The following TPO variants were observed in gnomAD, a reference collection of about 807,000 sequenced individuals.
The protein encoded by TPO is thyroid microsomal antigen.
A neutral mutation model predicts 96.9 loss-of-function variants in TPO; 78 were observed. The ratio of observed to expected loss-of-function variants is 0.81; its 90% CI spans 0.67 to 0.97. TPO has a LOEUF of 0.97. Ranked by LOEUF, TPO falls within the 50% of genes least tolerant of loss-of-function variation. TPO has a pLI of 0.00. For synonymous variants in TPO, 547 were observed against 538.0 expected (o/e 1.02, Z -0.23); for missense variants, 1,252 against 1,274.8 (o/e 0.98, Z 0.27).
chr2:1,429,089 A>G (rs938152578), intron 3 of TPO, among the ~76,000 whole-genome samples: 4 of 152,226 alleles, frequency 2.6e-5, no homozygotes, highest in African/African-American at 9.6e-5. Context: ...TTGTATGTAC[A>G]TGAAGTTATT....
chr2:1,539,478 G>A (rs961812604), intron 15 of TPO, among the ~76,000 whole-genome samples: 1 of 152,130 alleles, frequency 6.6e-6, no homozygotes, highest in African/African-American at 2.4e-5. Flanking sequence ...ACCAAGGACC[G>A]TTGGGCCTGT....
intron 14 of TPO, among the ~76,000 whole-genome samples, chr2:1,515,939 A>G (rs773132371): frequency 7.2e-5 from 11 of 152,168 alleles, no homozygotes; most frequent in Admixed American, 3.3e-4. Context: ...TTCTTATTTA[A>G]AAGTCAGTTT....
chr2:1,505,288 A>G (rs1482451938), intron 14 of TPO, among the ~76,000 whole-genome samples: 1 of 110,320 alleles, frequency 9.1e-6, no homozygotes, highest in African/African-American at 3.6e-5. Context: ...GGCGCACCCC[A>G]CTATCCTATA....
chr2:1,398,583 C>G (rs895325590), intron 1 of TPO, among the ~76,000 whole-genome samples: 2 of 152,222 alleles, frequency 1.3e-5, no homozygotes, highest in Non-Finnish European at 2.9e-5. Flanking sequence ...CTCTGCCTCC[C>G]CACAGCTCAG....
At chr2:1,515,702 G>A (rs756092930) in intron 14 of TPO, among the ~76,000 whole-genome samples, 3 of 151,980 alleles carry the variant, frequency 2.0e-5, no homozygotes, top group Non-Finnish European at 2.9e-5. Context: ...GGTGCTAAGT[G>A]GCACAGGGAA....
chr2:1,485,729 T>G (rs1671097666), intron 9 of TPO, among the ~76,000 whole-genome samples: 1 of 152,126 alleles, frequency 6.6e-6, no homozygotes, highest in Non-Finnish European at 1.5e-5. Flanking sequence ...GTTCATATCC[T>G]TCGCCCACTT....
At chr2:1,432,391 G>A (rs2148484877) in intron 3 of TPO, among the ~76,000 whole-genome samples, 1 of 152,360 alleles carries the variant, frequency 6.6e-6, no homozygotes, top group East Asian at 1.9e-4. Flanking sequence ...AGCCAGTTGT[G>A]AAACCTTGGA....
intron 15 of TPO, among the ~76,000 whole-genome samples, chr2:1,537,944 G>A (rs112880194): frequency 6.9e-5 from 5 of 72,452 alleles, no homozygotes. Flanking sequence ...GCAACCTCCC[G>A]AAATCCCCCG....
At position 1,377,063 on chromosome 2, in the gene TPO, G is replaced by A. The variant is rs140100408; in HGVS notation, n.180+2661G>A. On this transcript the variant is annotated intron_variant and non_coding_transcript_variant, in intron 1 of 5. Transcript: ENST00000497517. ...CTCCCACTGGTGAATTTACACCAGA[G>A]TCAGAGCTCGGCCACTTAAATAATA... Among the ~76,000 whole-genome samples, 1,061 of 152,316 alleles carry A rather than the reference G, an allele frequency of 7.0e-3. 12 individuals are homozygous for A. The highest frequency in any genetic ancestry group is 0.024 in the African/African-American group (1,014 of 41,562).
chr2:1,472,390 T>C (rs1405846270), intron 7 of TPO, among the ~76,000 whole-genome samples: 1 of 152,168 alleles, frequency 6.6e-6, no homozygotes, highest in East Asian at 1.9e-4. Context: ...GGTCACGGTG[T>C]GCCCTTTCCA....
At chr2:1,448,622 AT>A (rs1667040889) in intron 5 of TPO, among the ~76,000 whole-genome samples, 1 of 152,204 alleles carries the variant, frequency 6.6e-6, no homozygotes, top group African/African-American at 2.4e-5. Flanking sequence ...GCTCCTGGCC[AT>A]GGCATTGACC....
chr2:1,542,698 G>A lies in TPO; in HGVS notation c.*224G>A. On this transcript the variant is annotated 3_prime_UTR_variant, in exon 17 of 17. Coordinates refer to ENST00000329066, the MANE Select transcript of TPO (RefSeq NM_001206744.2). The stretch of plus-strand genomic sequence containing the variant: ...CATTGCCTGATTTGTTCCTTCTGGG[G>A]CTTTGCCATTAAAATGTATTTACAG... The A allele has an allele frequency of 2.2e-6, 3 of 1,353,036 alleles. No individual in the cohort carries two copies. Among genetic ancestry groups the A allele is most frequent in the South Asian group, 1.4e-5 (1 of 70,546 alleles). The allele number at this position is 1,353,036 out of a possible 1,614,324, so 83.8% of individuals were successfully genotyped here.
intron 3 of TPO, among the ~76,000 whole-genome samples, chr2:1,428,027 G>A (rs13424221): frequency 0.48 from 72,433 of 152,014 alleles, 17,793 homozygotes; most frequent in Middle Eastern, 0.57. Context: ...GAATTCGTGG[G>A]AACATACATT....
intron 2 of TPO, among the ~76,000 whole-genome samples, chr2:1,415,517 G>A (rs1417967419): frequency 6.7e-5 from 10 of 148,612 alleles, no homozygotes; most frequent in African/African-American, 2.3e-4. Flanking sequence ...ACATAGTCCC[G>A]GGGCCCCTGG....
At chr2:1,481,844 C>T (rs1175084984) in intron 8 of TPO, among the ~76,000 whole-genome samples, 2 of 152,152 alleles carry the variant, frequency 1.3e-5, no homozygotes, top group African/African-American at 2.4e-5. Flanking sequence ...GGTCGTTCCT[C>T]TCCAGGGGTA....
chr2:1,409,849 A>T (rs1046411113), upstream of TPO, among the ~76,000 whole-genome samples: 1 of 151,730 alleles, frequency 6.6e-6, no homozygotes, highest in African/African-American at 2.4e-5. Flanking sequence ...GCACCAAAAG[A>T]CAAACACCTC....
intron 2 of TPO, among the ~76,000 whole-genome samples, chr2:1,419,000 T>C (rs994257747): frequency 2.6e-5 from 4 of 152,216 alleles, no homozygotes; most frequent in Non-Finnish European, 5.9e-5. Context: ...GGCTTTCATA[T>C]ATATATTTAA....
At chr2:1,537,956 AGT>A (rs1333795271) in intron 15 of TPO, among the ~76,000 whole-genome samples, 1 of 64,768 alleles carries the variant, frequency 1.5e-5, no homozygotes, top group African/African-American at 6.9e-5. Context: ...AATCCCCCGT[AGT>A]GTGTGCAACC....
chr2:1,498,427 A>G (rs1345873122), intron 13 of TPO, among the ~76,000 whole-genome samples: 4 of 152,390 alleles, frequency 2.6e-5, no homozygotes, highest in South Asian at 2.1e-4. Context: ...ATAACTTTCA[A>G]ACTCACTAAC....
Sources: gnomAD v4.1 joint callset for allele counts (sites outside exome capture counted in the v4.1 genomes callset) on GRCh38, gnomAD v4.1.1 for gene constraint, MANE v1.5 for transcripts, NCBI Gene and HGNC (gene_info 2026-07-23, HGNC 2026-07-21) for gene names.